The following ARL14EP variants were observed in gnomAD, a reference collection of about 807,000 sequenced individuals.
ARL14EP encodes ARF like GTPase 14 effector protein, also known as ARL14 effector protein.
ARL14EP carries 12 observed loss-of-function variants against 23.1 expected under a neutral mutation model. The observed-to-expected ratio is 0.52, with a 90% CI of 0.33 to 0.84. The LOEUF (loss-of-function observed/expected upper bound fraction) is 0.84, where lower values mean the gene tolerates loss of function less well. Among genes scored for constraint, ARL14EP ranks in the 40% least tolerant of loss-of-function variants. The pLI, the probability that ARL14EP is intolerant of heterozygous loss-of-function variation, is 0.02. For missense variants in ARL14EP, 253 were observed against 307.3 expected (o/e 0.82, Z 1.32); for synonymous variants, 97 against 102.0 (o/e 0.95, Z 0.29).
In ARL14EP at chr11:30,331,081, A is replaced by G. The variant is rs964681676; in HGVS notation, c.133A>G (p.Arg45Gly). ...AAATGATATGCTTTTACTTCAACTT[A>G]GAACTGGAATGACACTTTCTGGGAA... ...SSNDMLLLQL[R>G]TGMTLSGNNT... The change falls in exon 2 of 4, where the codon AGA (arginine) becomes GGA (glycine). Residue 45 changes from arginine to glycine, a missense_variant. Physicochemically the swap from Arg to Gly is moderately radical, Grantham distance 125. Coordinates refer to ENST00000282032, the MANE Select transcript of ARL14EP (RefSeq NM_152316.3). 6.2e-7 allele frequency: 1 copy of G among 1,613,964 alleles called. No homozygotes were observed. The highest frequency in any genetic ancestry group is 8.5e-7 in the Non-Finnish European group (1 of 1,179,844).
At position 30,336,962 on chromosome 11, in the gene ARL14EP, T is replaced by G; in HGVS notation, c.*167T>G. On this transcript the variant is annotated 3_prime_UTR_variant, in exon 4 of 4. Transcript: ENST00000282032. The stretch of plus-strand genomic sequence containing the variant: ...TTAAGATTCACTATTTGATATAAAT[T>G]CAGATAGGCTATTTTTCAGTAGTCA... 3 of 682,210 alleles carry G rather than the reference T, an allele frequency of 4.4e-6. No homozygotes were observed. The South Asian group carries it at 5.3e-5, about 12-fold the overall frequency. The allele number at this position is 682,210 out of a possible 1,614,324, so 42.3% of individuals were successfully genotyped here. A position where few individuals can be genotyped will look rare whatever the true frequency, so the allele number is the denominator to read the frequency against.
intron 1 of ARL14EP, chr11:30,328,620 A>G (rs1010829779): frequency 6.6e-6 from 1 of 152,130 alleles, no homozygotes; most frequent in Non-Finnish European, 1.5e-5. Flanking sequence ...TTTAAAGTGT[A>G]TTTTATTTTT....
In ARL14EP at chr11:30,331,037, C is replaced by T; in HGVS notation, c.89C>T (p.Thr30Ile). The T allele has an allele frequency of 5.0e-6, 8 of 1,613,838 alleles. No individual in the cohort carries two copies. The highest frequency in any genetic ancestry group is 6.8e-6 in the Non-Finnish European group (8 of 1,179,798). Residue 30 changes from threonine to isoleucine, a missense_variant, in exon 2 of 4, where the codon ACT (threonine) becomes ATT (isoleucine). Coordinates refer to ENST00000282032, the MANE Select transcript of ARL14EP (RefSeq NM_152316.3). The part of the protein sequence containing the change: ...TYYTRHTGFK[T>I]LQELSSNDML... ...TATACTCGTCACACAGGTTTTAAGACTTTGCAAGAATTGTCATCAAATGAT... is the reference window on the plus strand; with the variant it reads ...TATACTCGTCACACAGGTTTTAAGATTTTGCAAGAATTGTCATCAAATGAT...
intron 1 of ARL14EP, chr11:30,328,645 C>G (rs2065940): frequency 1.3e-5 from 2 of 151,636 alleles, no homozygotes; most frequent in Admixed American, 1.3e-4. Context: ...TTTGTAAATA[C>G]AGTATTTTGA....
At chr11:30,335,352 T>C (rs1334931721) in intron 3 of ARL14EP, among the ~76,000 whole-genome samples, 1 of 152,224 alleles carries the variant, frequency 6.6e-6, no homozygotes, top group Non-Finnish European at 1.5e-5. Flanking sequence ...ACTTAGATTA[T>C]ATAAACTTAG....
In ARL14EP at chr11:30,330,911, C is replaced by T; in HGVS notation, c.-38C>T. 1 of 1,542,912 alleles carries T rather than the reference C, an allele frequency of 6.5e-7. No homozygotes were observed. The highest frequency in any genetic ancestry group is 1.9e-5 in the African/African-American group (1 of 52,426). On this transcript the variant is annotated 5_prime_UTR_variant, in exon 2 of 4. Transcript: ENST00000282032. Reference sequence around the variant, plus strand: ...GGTGATCAGCCCATGACCTAAACCTCCAGACAAAATAAAACGGAAAATTTG... The same window carrying T: ...GGTGATCAGCCCATGACCTAAACCTTCAGACAAAATAAAACGGAAAATTTG...
chr11:30,334,690 A>T (rs1947318320), intron 3 of ARL14EP, among the ~76,000 whole-genome samples: 1 of 152,204 alleles, frequency 6.6e-6, no homozygotes, highest in African/African-American at 2.4e-5. Context: ...GGTCCTAATG[A>T]TGCTAAATGT....
chr11:30,332,975 C>G lies in ARL14EP; in HGVS notation c.536C>G (p.Ala179Gly). The stretch of plus-strand genomic sequence containing the variant: ...GAAAAAAGAAGGCTTACAAAAAATG[C>G]AACCGCTGGTTCAGACAGGTAGGCT... ...KREKRRLTKN[A>G]TAGSDRQVIP... The change falls in exon 3 of 4, where the codon GCA becomes GGA. Residue 179 changes from alanine to glycine, a missense_variant. Ala to Gly is a moderately conservative substitution (Grantham distance 60). Transcript: ENST00000282032. The G allele has an allele frequency of 6.2e-7, 1 of 1,613,066 alleles. No homozygotes were observed. Among genetic ancestry groups the G allele is most frequent in the Non-Finnish European group, 8.5e-7 (1 of 1,179,362 alleles).
intron 2 of ARL14EP, chr11:30,331,636 A>C (rs1947284750): frequency 1.5e-6 from 2 of 1,310,436 alleles, no homozygotes; most frequent in Admixed American, 7.0e-5. Flanking sequence ...CGAAGACTTT[A>C]GGAGTGGGTT....
rs1004438438 is a variant in ARL14EP, at chr11:30,332,961, G to C, written c.522G>C (p.Arg174Ser). 1.2e-6 allele frequency: 2 copies of C among 1,613,456 alleles called. No homozygotes were observed. Among genetic ancestry groups the C allele is most frequent in the East Asian group, 2.2e-5 (1 of 44,822 alleles). ...APETGKREKRRLTKNATAGSD... is the reference protein window; with the variant it reads ...APETGKREKRSLTKNATAGSD... ...AAACTGGTAAAAGAGAAAAAAGAAG[G>C]CTTACAAAAAATGCAACCGCTGGTT... Residue 174 changes from arginine (R) to serine (S), a missense_variant, in exon 3 of 4, where the codon AGG becomes AGC. Physicochemically the swap from Arg to Ser is moderately radical, Grantham distance 110. Transcript: ENST00000282032.
chr11:30,336,487 T>C (rs1419792465), intron 3 of ARL14EP, 80 bp from the exon 4 acceptor site: 3 of 130,042 alleles, frequency 2.3e-5, no homozygotes, highest in Non-Finnish European at 2.1e-5. Flanking sequence ...TTTTATCTCC[T>C]TTTTTTTTTT....
At chr11:30,327,195 A>T (rs1187906060) in intron 1 of ARL14EP, among the ~76,000 whole-genome samples, 1 of 152,166 alleles carries the variant, frequency 6.6e-6, no homozygotes, top group Non-Finnish European at 1.5e-5. Flanking sequence ...GAATTTCAGA[A>T]ATAGGTATTC....
In ARL14EP at chr11:30,330,884, AG is replaced by A; in HGVS notation, c.-62del. The A allele has an allele frequency of 6.8e-7, 1 of 1,466,582 alleles. No individual in the cohort carries two copies. The highest frequency in any genetic ancestry group is 2.3e-5 in the East Asian group (1 of 43,388). The allele number at this position is 1,466,582 out of a possible 1,614,324, so 90.8% of individuals were successfully genotyped here. Reference sequence around the variant, plus strand: ...TTTGATTCTCTTTAATATTTTCTCTAGGGTGATCAGCCCATGACCTAAACCT... The same window carrying A: ...TTTGATTCTCTTTAATATTTTCTCTAGGTGATCAGCCCATGACCTAAACCT... On this transcript the variant is annotated splice_acceptor_variant, in intron 1 of 3. Transcript: ENST00000282032. LOFTEE classifies it low-confidence loss of function (5UTR_SPLICE).
Position 30,338,185 on chromosome 11 carries a change from C to T in ARL14EP, c.*1390C>T, listed in dbSNP as rs1947349323. On this transcript the variant is annotated 3_prime_UTR_variant, in exon 4 of 4. Coordinates refer to ENST00000282032, the MANE Select transcript of ARL14EP (RefSeq NM_152316.3). Reference sequence around the variant, plus strand: ...TATCTAAGTGCTGAAATATATTTCTCTTCTCCCCACTTATTCAAATAAAAA... The same window carrying T: ...TATCTAAGTGCTGAAATATATTTCTTTTCTCCCCACTTATTCAAATAAAAA... 6.6e-6 allele frequency: 1 copy of T among 152,164 alleles called. No homozygotes were observed. The highest frequency in any genetic ancestry group is 1.5e-5 in the Non-Finnish European group (1 of 68,032). 9.4% of individuals were successfully genotyped at this position (152,164 alleles called of 1,614,324 possible).
At chr11:30,324,578 C>T (rs937456068) in intron 1 of ARL14EP, among the ~76,000 whole-genome samples, 6 of 152,036 alleles carry the variant, frequency 3.9e-5, no homozygotes, top group Admixed American at 2.0e-4. Flanking sequence ...ATTAACACCC[C>T]GAAACCCCTG....
At chr11:30,323,716 A>G (rs1947214246) in intron 1 of ARL14EP, among the ~76,000 whole-genome samples, 4 of 152,310 alleles carry the variant, frequency 2.6e-5, no homozygotes, top group Middle Eastern at 3.4e-3. Flanking sequence ...GAACTAAGGA[A>G]GAAATGTATG....
chr11:30,333,034 C>T (rs953095594), intron 3 of ARL14EP, 41 bp downstream of exon 3: 26 of 1,608,062 alleles, frequency 1.6e-5, no homozygotes, highest in Non-Finnish European at 2.2e-5. Flanking sequence ...CTTGCTGCTT[C>T]ACATCTGCAT....
intron 1 of ARL14EP, among the ~76,000 whole-genome samples, chr11:30,326,592 GA>G (rs2133644520): frequency 6.6e-6 from 1 of 152,292 alleles, no homozygotes; most frequent in African/African-American, 2.4e-5. Flanking sequence ...GAGGAAGTCA[GA>G]AAGAGCTGGA....
intron 1 of ARL14EP, among the ~76,000 whole-genome samples, chr11:30,327,689 T>G (rs1333736192): frequency 6.6e-6 from 1 of 151,240 alleles, no homozygotes; most frequent in Non-Finnish European, 1.5e-5. Flanking sequence ...CCAGGCACGG[T>G]GGCTCATGCC....
Sources: gnomAD v4.1 joint callset for allele counts (sites outside exome capture counted in the v4.1 genomes callset) on GRCh38, gnomAD v4.1.1 for gene constraint, MANE v1.5 for transcripts, NCBI Gene and HGNC (gene_info 2026-07-23, HGNC 2026-07-21) for gene names.